The following PTPRN2 variants were observed in gnomAD, a reference collection of about 807,000 sequenced individuals.
The protein encoded by PTPRN2 is receptor-type tyrosine-protein phosphatase N2.
Under a neutral mutation model 118.8 loss-of-function variants are expected in PTPRN2, and 74 were observed. That is an observed-to-expected ratio of 0.62 (90% CI 0.52 to 0.76). The LOEUF (loss-of-function observed/expected upper bound fraction) is 0.76, where lower values mean the gene tolerates loss of function less well. Ranked by LOEUF, PTPRN2 falls within the 30% of genes least tolerant of loss-of-function variation. The pLI is 0.00. For synonymous variants in PTPRN2, 641 were observed against 608.0 expected (o/e 1.05, Z -0.80); for missense variants, 1,481 against 1,394.4 (o/e 1.06, Z -0.99).
chr7:158,227,482 C>A (rs36101381), intron 3 of PTPRN2, among the ~76,000 whole-genome samples: 2,598 of 152,196 alleles, frequency 0.017, 29 homozygotes, highest in Middle Eastern at 0.034. Context: ...TGAAATGGGG[C>A]TGAGGAGGAG....
Position 157,740,414 on chromosome 7 carries a change from G to A in PTPRN2, c.1789-57477C>T, listed in dbSNP as rs988733589. On this transcript the variant is annotated intron_variant, in intron 12 of 22. Transcript: ENST00000389418. ...GGAGCCTGACCAGCTCCGGAACATC[G>A]TCTCCCTCCATCCACGGCAAGGCAG... is the stretch of plus-strand genomic sequence containing the variant. The A allele has an allele frequency of 2.0e-5, 3 of 151,644 alleles. 1 individual carries two copies. Among genetic ancestry groups the A allele is most frequent in the African/African-American group, 7.4e-5 (3 of 40,784 alleles). 9.4% of individuals were successfully genotyped at this position (151,644 alleles called of 1,614,324 possible). A position where few individuals can be genotyped will look rare whatever the true frequency, so the allele number is the denominator to read the frequency against.
intron 1 of PTPRN2, among the ~76,000 whole-genome samples, chr7:158,542,428 C>T (rs986252990): frequency 5.9e-5 from 9 of 152,244 alleles, no homozygotes; most frequent in Admixed American, 3.3e-4. Context: ...GATGGGATTA[C>T]GGGCGTGAGC....
rs112985473 is a variant in PTPRN2, at chr7:157,827,890, G to GT, written c.1788+70782dup. ...TCCTCGGGCTGCACGTTCTGATTTT[G>GT]TTTTTTTTTGAAAAGGTAAACATAA... On this transcript the variant is annotated intron_variant, in intron 12 of 22. Transcript: ENST00000389418. 5.5e-4 allele frequency among the ~76,000 whole-genome samples: 83 copies of GT among 151,138 alleles called. 2 individuals are homozygous for GT. The highest frequency in any genetic ancestry group is 1.4e-3 in the African/African-American group (56 of 41,158).
chr7:157,709,808 C>G (rs1001106626), intron 12 of PTPRN2, among the ~76,000 whole-genome samples: 1 of 152,198 alleles, frequency 6.6e-6, no homozygotes, highest in African/African-American at 2.4e-5. Context: ...ACATACAAGT[C>G]GGATATTCTG....
intron 1 of PTPRN2, among the ~76,000 whole-genome samples, chr7:158,520,608 G>A (rs1322968224): frequency 6.6e-6 from 1 of 152,204 alleles, no homozygotes; most frequent in African/African-American, 2.4e-5. Context: ...CGACTTCCAA[G>A]CTCTGGGCGG....
At chr7:157,913,648 AT>A (rs965542560) in intron 11 of PTPRN2, among the ~76,000 whole-genome samples, 4 of 152,160 alleles carry the variant, frequency 2.6e-5, no homozygotes, top group African/African-American at 7.2e-5. Flanking sequence ...TGAGATAATA[AT>A]TTTTTTCTCT....
Position 157,787,349 on chromosome 7 carries a change from G to A in PTPRN2, c.1789-104412C>T, listed in dbSNP as rs1445059673. ...CAGGCCCCACCTTGATGGAAACTGC[G>A]ACAGGAGGGGGTCTGGCCTCTGCTG... On this transcript the variant is annotated intron_variant, in intron 12 of 22. Coordinates refer to ENST00000389418, the MANE Select transcript of PTPRN2 (RefSeq NM_002847.5). This position sits in a 1 kb window ranked among gnomAD's most constrained non-coding sequence, Gnocchi z 5.3. Among the ~76,000 whole-genome samples, 2 of 152,158 alleles carry A rather than the reference G, an allele frequency of 1.3e-5. No individual in the cohort carries two copies. Among genetic ancestry groups the A allele is most frequent in the South Asian group, 2.1e-4 (1 of 4,838 alleles).
intron 12 of PTPRN2, among the ~76,000 whole-genome samples, chr7:157,687,715 T>C (rs1029096531): frequency 3.9e-5 from 6 of 152,240 alleles, no homozygotes; most frequent in African/African-American, 1.4e-4. Context: ...TCATTCTAAA[T>C]TTACTAAAAG....
intron 11 of PTPRN2, among the ~76,000 whole-genome samples, chr7:158,049,689 T>G (rs1809179710): frequency 6.6e-6 from 1 of 152,156 alleles, no homozygotes; most frequent in Admixed American, 6.5e-5. Context: ...TCACCTGAGG[T>G]CAGGGGTTCA....
In PTPRN2 at chr7:157,784,944, G is replaced by A. The variant is rs1486659228; in HGVS notation, c.1789-102007C>T. Among the ~76,000 whole-genome samples, 1 of 152,186 alleles carries A rather than the reference G, an allele frequency of 6.6e-6. No individual in the cohort carries two copies. The highest frequency in any genetic ancestry group is 1.5e-5 in the Non-Finnish European group (1 of 68,020). On this transcript the variant is annotated intron_variant, in intron 12 of 22. Coordinates refer to ENST00000389418, the MANE Select transcript of PTPRN2 (RefSeq NM_002847.5). This position sits in a 1 kb window ranked among gnomAD's most constrained non-coding sequence, Gnocchi z 4.6. ...GCGCCCCTCCCCAGTGGCCAGGTGA[G>A]CAGTGGGGCTGGAGAGGAGAGCAGA...
chr7:158,334,862 C>A lies in PTPRN2; in HGVS notation c.164-17930G>T, dbSNP rs369303214. The stretch of plus-strand genomic sequence containing the variant: ...TGACACCTGCAGACGTCACTCACAC[C>A]CACACTCTCACCATAATAGCTGTCG... On this transcript the variant is annotated intron_variant, in intron 2 of 22. Coordinates refer to ENST00000389418, the MANE Select transcript of PTPRN2 (RefSeq NM_002847.5). Among the ~76,000 whole-genome samples the A allele has an allele frequency of 6.6e-3, 53 of 8,060 alleles. 4 individuals carry two copies. Among genetic ancestry groups the A allele is most frequent in the Non-Finnish European group, 0.013 (28 of 2,158 alleles). 5.3% of individuals were successfully genotyped at this position (8,060 alleles called of 152,430 possible).
At chr7:157,649,314 G>A (rs1476589263) in intron 14 of PTPRN2, among the ~76,000 whole-genome samples, 10 of 81,092 alleles carry the variant, frequency 1.2e-4, no homozygotes, top group African/African-American at 2.0e-4. Flanking sequence ...TTGGTGGGTC[G>A]GACCCATTCA....
intron 1 of PTPRN2, among the ~76,000 whole-genome samples, chr7:158,536,728 G>A (rs558988294): frequency 1.3e-5 from 2 of 152,072 alleles, no homozygotes; most frequent in African/African-American, 4.8e-5. Flanking sequence ...TGAGACTCAG[G>A]AAGACACAAG....
chr7:158,225,736 G>A lies in PTPRN2; in HGVS notation c.278-20463C>T, dbSNP rs147100739. 9.9e-5 allele frequency among the ~76,000 whole-genome samples: 15 copies of A among 152,278 alleles called. 1 individual carries two copies. The highest frequency in any genetic ancestry group is 2.9e-4 in the African/African-American group (12 of 41,546). ...TTAAGAAAGTTTCATAGAAACAAGT[G>A]GTATTTGAACTAAGACTGGAAAGAT... On this transcript the variant is annotated intron_variant, in intron 3 of 22. Coordinates refer to ENST00000389418, the MANE Select transcript of PTPRN2 (RefSeq NM_002847.5).
rs1378862831 is a variant in PTPRN2 at position 158,332,131 on chromosome 7, TC to T, written c.164-15200del. The stretch of plus-strand genomic sequence containing the variant: ...CCACAGAGGTCACTCACACCCATAC[TC>T]CCACCATAAGAGCCGACACCTGCAG... On this transcript the variant is annotated intron_variant, in intron 2 of 22. Coordinates refer to ENST00000389418, the MANE Select transcript of PTPRN2 (RefSeq NM_002847.5). 1.6e-4 allele frequency among the ~76,000 whole-genome samples: 23 copies of T among 148,278 alleles called. 3 individuals carry two copies. Among genetic ancestry groups the T allele is most frequent in the African/African-American group, 5.7e-4 (22 of 38,606 alleles).
chr7:157,726,225 C>G (rs60407182), intron 12 of PTPRN2, among the ~76,000 whole-genome samples: 1 of 135,164 alleles, frequency 7.4e-6, no homozygotes, highest in Non-Finnish European at 1.5e-5. Flanking sequence ...GATATCCACA[C>G]GCAGAGGAGT....
In PTPRN2 at chr7:157,585,501, C is replaced by T. The variant is rs1198270430; in HGVS notation, c.2497-7361G>A. On this transcript the variant is annotated intron_variant, in intron 17 of 22. Transcript: ENST00000389418. This position sits in a 1 kb window ranked among gnomAD's most constrained non-coding sequence, Gnocchi z 5.2. ...ACTCACACACTGGACTTCCTCTCCA[C>T]CCGGCCTTTGTGTGACCACCGTGGG... is the stretch of plus-strand genomic sequence containing the variant. 6.6e-6 allele frequency among the ~76,000 whole-genome samples: 1 copy of T among 152,138 alleles called. No individual in the cohort carries two copies. The highest frequency in any genetic ancestry group is 1.5e-5 in the Non-Finnish European group (1 of 68,020).
chr7:158,053,528 C>T (rs942615748), intron 11 of PTPRN2, among the ~76,000 whole-genome samples: 3 of 152,118 alleles, frequency 2.0e-5, no homozygotes, highest in Admixed American at 6.6e-5. Flanking sequence ...TGAAGAGGAA[C>T]GAATGGTATG....
At chr7:158,494,286 A>G (rs1052850865) in intron 1 of PTPRN2, among the ~76,000 whole-genome samples, 5 of 152,156 alleles carry the variant, frequency 3.3e-5, no homozygotes, top group Non-Finnish European at 7.4e-5. Flanking sequence ...CTAAAAATCC[A>G]TGGCCCCTGC....
Sources: allele counts gnomAD v4.1 joint callset (sites outside exome capture counted in the v4.1 genomes callset), GRCh38; gene constraint gnomAD v4.1.1; non-coding constraint Gnocchi (gnomAD v3.1); transcripts MANE v1.5; gene names NCBI Gene and HGNC (gene_info 2026-07-23, HGNC 2026-07-21).